CSMD1: variants seen among roughly 807,000 people sequenced by gnomAD.
CSMD1 encodes CUB and Sushi multiple domains 1.
In CSMD1, 213 loss-of-function variants were observed where a neutral mutation model predicts 417.5. The ratio of observed to expected loss-of-function variants is 0.51; its 90% CI spans 0.46 to 0.57. The LOEUF is 0.57. CSMD1 is among the 20% of genes least tolerant of loss of function. The probability of loss-of-function intolerance (pLI) is 0.00; values close to 1 mark genes in which losing one functional copy is unlikely to be tolerated. For synonymous variants in CSMD1, 2,862 were observed against 1,736.8 expected, an observed-to-expected ratio of 1.65 and a Z score of -16.11; for missense variants, 6,923 against 4,529.7, an observed-to-expected ratio of 1.53 and a Z score of -15.17.
At chr8:4,355,306 T>TAC (rs66981171) in intron 3 of CSMD1, among the ~76,000 whole-genome samples, 2,457 of 140,050 alleles carry the variant, frequency 0.018, 18 homozygotes, top group Non-Finnish European at 0.024. Flanking sequence ...AACCACTTCA[T>TAC]ACACACACAC....
intron 1 of CSMD1, among the ~76,000 whole-genome samples, chr8:4,962,813 T>G (rs565195190): frequency 1.3e-5 from 2 of 152,274 alleles, no homozygotes; most frequent in South Asian, 4.1e-4. Flanking sequence ...AAAAATAATT[T>G]CACTTAATCT....
At chr8:3,976,979 G>A (rs553029825) in intron 5 of CSMD1, among the ~76,000 whole-genome samples, 1 of 152,276 alleles carries the variant, frequency 6.6e-6, no homozygotes, top group South Asian at 2.1e-4. Context: ...AGAACACATA[G>A]GTATTAGTGT....
At chr8:4,575,959 G>A (rs186192520) in intron 2 of CSMD1, among the ~76,000 whole-genome samples, 209 of 152,220 alleles carry the variant, frequency 1.4e-3, no homozygotes, top group Non-Finnish European at 2.4e-3. Flanking sequence ...AATCAAACTC[G>A]TAAATCCACC....
chr8:4,016,500 G>T (rs972695225), intron 4 of CSMD1, among the ~76,000 whole-genome samples: 1 of 152,122 alleles, frequency 6.6e-6, no homozygotes, highest in Non-Finnish European at 1.5e-5. Flanking sequence ...GGAGGACAAG[G>T]AGGTCCAAGG....
chr8:4,237,692 T>G (rs1802150737), intron 3 of CSMD1, among the ~76,000 whole-genome samples: 1 of 152,154 alleles, frequency 6.6e-6, no homozygotes, highest in Admixed American at 6.5e-5. Context: ...ATTTTACTTT[T>G]TGTAGAGACA....
intron 3 of CSMD1, among the ~76,000 whole-genome samples, chr8:4,215,330 T>C (rs1360888553): frequency 6.6e-6 from 1 of 152,196 alleles, no homozygotes; most frequent in Admixed American, 6.5e-5. Flanking sequence ...CATTTGGCTT[T>C]TAGATGTCCA....
intron 27 of CSMD1, among the ~76,000 whole-genome samples, chr8:3,224,149 T>C (rs1585706207): frequency 1.3e-5 from 2 of 152,326 alleles, no homozygotes; most frequent in South Asian, 4.1e-4. Flanking sequence ...TCCTATAATT[T>C]AAAATTTTCT....
intron 2 of CSMD1, among the ~76,000 whole-genome samples, chr8:4,452,147 T>C (rs764095895): frequency 2.5e-4 from 38 of 152,140 alleles, no homozygotes; most frequent in Non-Finnish European, 5.1e-4. Flanking sequence ...GCTTTCATTG[T>C]GCTTGGGAGT....
chr8:4,303,879 A>T (rs1211513645), intron 3 of CSMD1, among the ~76,000 whole-genome samples: 1 of 151,770 alleles, frequency 6.6e-6, no homozygotes, highest in Non-Finnish European at 1.5e-5. Context: ...CTGGTCTCGA[A>T]CTCCTGACCT....
intron 5 of CSMD1, among the ~76,000 whole-genome samples, chr8:3,845,741 C>G (rs921790851): frequency 6.6e-6 from 1 of 152,134 alleles, no homozygotes; most frequent in Non-Finnish European, 1.5e-5. Context: ...TTTACTCTTA[C>G]AATAACACAT....
At chr8:4,312,952 G>C (rs974078205) in intron 3 of CSMD1, among the ~76,000 whole-genome samples, 1 of 152,190 alleles carries the variant, frequency 6.6e-6, no homozygotes, top group Admixed American at 6.5e-5. Context: ...CCCAGAGGAA[G>C]AGCCCATAAT....
intron 1 of CSMD1, among the ~76,000 whole-genome samples, chr8:4,863,314 G>A (rs779194085): frequency 9.2e-5 from 14 of 151,904 alleles, no homozygotes; most frequent in Non-Finnish European, 1.2e-4. Flanking sequence ...CTCAATAAAT[G>A]GCAGTTATTG....
At chr8:3,811,876 T>C (rs2954234) in intron 5 of CSMD1, among the ~76,000 whole-genome samples, 38,436 of 152,012 alleles carry the variant, frequency 0.25, 5,463 homozygotes, top group Non-Finnish European at 0.32. Context: ...CCACTATGTG[T>C]TGTGTTTTTG....
chr8:4,438,741 G>A (rs777591765), intron 2 of CSMD1, among the ~76,000 whole-genome samples: 1 of 152,168 alleles, frequency 6.6e-6, no homozygotes, highest in South Asian at 2.1e-4. Context: ...GCAAATATTT[G>A]GTTACAAATG....
intron 3 of CSMD1, among the ~76,000 whole-genome samples, chr8:4,383,221 T>C (rs754649838): frequency 3.3e-5 from 5 of 152,216 alleles, no homozygotes; most frequent in African/African-American, 7.2e-5. Flanking sequence ...AGTATGTTAA[T>C]GGTGGTTTTG....
intron 12 of CSMD1, among the ~76,000 whole-genome samples, chr8:3,432,426 G>C (rs1814273366): frequency 6.6e-6 from 1 of 151,594 alleles, no homozygotes; most frequent in African/African-American, 2.4e-5. Flanking sequence ...CAAGTCTTTG[G>C]TGCAAAAATA....
chr8:4,747,367 C>T (rs916741723), intron 1 of CSMD1, among the ~76,000 whole-genome samples: 13 of 152,022 alleles, frequency 8.6e-5, no homozygotes, highest in African/African-American at 3.1e-4. Flanking sequence ...TTCTAGGATA[C>T]GGTTTTCATG....
At chr8:4,471,343 G>T (rs1355821096) in intron 2 of CSMD1, among the ~76,000 whole-genome samples, 1 of 152,142 alleles carries the variant, frequency 6.6e-6, no homozygotes, top group Non-Finnish European at 1.5e-5. Flanking sequence ...CTATATCGCA[G>T]CTTATTTCTA....
At chr8:4,157,097 C>A (rs1246436831) in intron 3 of CSMD1, among the ~76,000 whole-genome samples, 3 of 152,186 alleles carry the variant, frequency 2.0e-5, no homozygotes, top group Non-Finnish European at 4.4e-5. Flanking sequence ...GGTGACAAAT[C>A]TCACTGCCTA....
Sources: allele counts gnomAD v4.1 joint callset (sites outside exome capture counted in the v4.1 genomes callset), GRCh38; gene constraint gnomAD v4.1.1; transcripts MANE v1.5; gene names NCBI Gene and HGNC (gene_info 2026-07-23, HGNC 2026-07-21).